ST18: variants seen among roughly 807,000 people sequenced by gnomAD.
ST18 encodes ST18 C2H2C-type zinc finger transcription factor.
Under a neutral mutation model 110.0 loss-of-function variants are expected in ST18, and 50 were observed. That is an observed-to-expected ratio of 0.45 (90% CI 0.36 to 0.58). ST18 has a LOEUF of 0.58. Ranked by LOEUF, ST18 falls within the 20% of genes least tolerant of loss-of-function variation. The pLI is 0.00. For missense variants in ST18, 1,306 were observed against 1,280.1 expected (o/e 1.02, Z -0.31); for synonymous variants, 461 against 452.4 (o/e 1.02, Z -0.24).
intron 8 of ST18, among the ~76,000 whole-genome samples, chr8:52,191,884 G>A (rs2074618814): frequency 6.6e-6 from 1 of 152,172 alleles, no homozygotes; most frequent in Non-Finnish European, 1.5e-5. Context: ...GGAACAGGAG[G>A]TCTGAGGAAG....
intron 2 of ST18, among the ~76,000 whole-genome samples, chr8:52,318,479 A>G (rs983474247): frequency 1.3e-5 from 2 of 152,362 alleles, no homozygotes; most frequent in South Asian, 4.1e-4. Flanking sequence ...CCATTGCGGA[A>G]GACAGTGGCA....
In ST18 at chr8:52,187,380, T is replaced by G. The variant is rs117319097; in HGVS notation, c.87-7068A>C. Among the ~76,000 whole-genome samples, 525 of 152,334 alleles carry G rather than the reference T, an allele frequency of 3.4e-3. 3 individuals carry two copies. The highest frequency in any genetic ancestry group is 0.024 in the Middle Eastern group (7 of 294). ...TTAATGAAAGAGTCCAGATTTGAAC[T>G]CAGGCAGTCTGGACCTAAATCATAC... On this transcript the variant is annotated intron_variant, in intron 8 of 25. Coordinates refer to ENST00000689386, the MANE Select transcript of ST18 (RefSeq NM_001352837.2).
chr8:52,124,118 C>T (rs1444573389), intron 23 of ST18, among the ~76,000 whole-genome samples: 1 of 152,118 alleles, frequency 6.6e-6, no homozygotes, highest in Non-Finnish European at 1.5e-5. Context: ...GTCTTAGTGT[C>T]CTCAGGGTTG....
Position 52,133,067 on chromosome 8 carries a change from G to T in ST18, c.2434C>A (p.Pro812Thr), listed in dbSNP as rs1268858744. 1.9e-6 allele frequency: 3 copies of T among 1,613,950 alleles called. No individual in the cohort carries two copies. Among genetic ancestry groups the T allele is most frequent in the Non-Finnish European group, 2.5e-6 (3 of 1,180,020 alleles). ...MTPTKEEKED[P>T]ELKCPVIGCD... The stretch of plus-strand genomic sequence containing the variant: ...AACTGTTGCACTTACTTCAGTTCAG[G>T]GTCTTCTTTTTCTTCCTTGGTAGGG... Residue 812 changes from proline (P) to threonine (T), a missense_variant, in exon 21 of 26, where the codon CCT (proline) becomes ACT (threonine). Physicochemically the swap from Pro to Thr is conservative, Grantham distance 38. Transcript: ENST00000689386.
At chr8:52,120,574 CAGGCTGGGAAGGG>C in intron 23 of ST18, among the ~76,000 whole-genome samples, 1 of 152,214 alleles carries the variant, frequency 6.6e-6, no homozygotes, top group African/African-American at 2.4e-5. Context: ...GCCCAGAGCC[CAGGCTGGGAAGGG>C]AGTGAGTGCC....
intron 2 of ST18, among the ~76,000 whole-genome samples, chr8:52,340,517 A>C (rs1311890817): frequency 6.6e-6 from 1 of 152,240 alleles, no homozygotes; most frequent in East Asian, 1.9e-4. Flanking sequence ...TGTTTCAAAA[A>C]GTCTATCACG....
chr8:52,171,854 G>C lies in ST18; in HGVS notation c.1007C>G (p.Ala336Gly), dbSNP rs1250727537. Residue 336 changes from alanine (A) to glycine (G), a missense_variant, in exon 10 of 26, where the codon GCA (alanine) becomes GGA (glycine). Physicochemically the swap from Ala to Gly is moderately conservative, Grantham distance 60 (BLOSUM62 0). Transcript: ENST00000689386. ...AACTTTGGTTTGCCTCCTTTCCCCT[G>C]CTAGGTGCTCCAGCAGGAACCTATC... is the stretch of plus-strand genomic sequence containing the variant. Reference protein sequence around the residue: ...ELDRFLLEHLAGERRQTKVID... With the variant: ...ELDRFLLEHLGGERRQTKVID... The C allele has an allele frequency of 1.2e-6, 2 of 1,614,096 alleles. No individual in the cohort carries two copies. The highest frequency in any genetic ancestry group is 1.1e-5 in the South Asian group (1 of 91,078).
At chr8:52,204,045 T>C (rs1205461943) in intron 8 of ST18, among the ~76,000 whole-genome samples, 1 of 152,224 alleles carries the variant, frequency 6.6e-6, no homozygotes, top group Non-Finnish European at 1.5e-5. Context: ...TCATTTCTGA[T>C]ACATGATGAA....
intron 2 of ST18, among the ~76,000 whole-genome samples, chr8:52,368,619 C>T (rs770097534): frequency 2.6e-5 from 4 of 152,116 alleles, no homozygotes; most frequent in Non-Finnish European, 4.4e-5. Flanking sequence ...GAGCTCACTG[C>T]CACATAGTGA....
intron 2 of ST18, among the ~76,000 whole-genome samples, chr8:52,350,718 T>A (rs955566518): frequency 2.0e-5 from 3 of 151,664 alleles, no homozygotes; most frequent in African/African-American, 7.3e-5. Flanking sequence ...ACTTGATATA[T>A]ATATACTTTT....
At chr8:52,163,509 G>A (rs554483449) in intron 13 of ST18, among the ~76,000 whole-genome samples, 1 of 152,216 alleles carries the variant, frequency 6.6e-6, no homozygotes, top group South Asian at 2.1e-4. Flanking sequence ...TTTATTAATA[G>A]CTGTCAATCA....
intron 2 of ST18, among the ~76,000 whole-genome samples, chr8:52,263,458 A>G (rs1052935556): frequency 1.1e-4 from 16 of 152,188 alleles, no homozygotes; most frequent in African/African-American, 1.2e-4. Context: ...ACTGTGGAGG[A>G]CATCAATTCT....
chr8:52,233,803 T>G (rs1416868025), intron 2 of ST18, among the ~76,000 whole-genome samples: 1 of 152,246 alleles, frequency 6.6e-6, no homozygotes, highest in Non-Finnish European at 1.5e-5. Context: ...TTTTGGTTTC[T>G]TTTTAAAGTA....
chr8:52,168,832 G>A (rs1002299535), intron 10 of ST18, among the ~76,000 whole-genome samples: 6 of 152,152 alleles, frequency 3.9e-5, no homozygotes, highest in African/African-American at 1.2e-4. Flanking sequence ...TGTGAAATCT[G>A]TAGACCACTA....
intron 2 of ST18, among the ~76,000 whole-genome samples, chr8:52,295,400 C>CT (rs548665370): frequency 2.6e-5 from 4 of 152,070 alleles, no homozygotes; most frequent in African/African-American, 4.8e-5. Flanking sequence ...TTTAAACTGG[C>CT]TTTTTTTCCC....
chr8:52,211,972 C>T, intron 8 of ST18, 107 bp downstream of exon 8: 3 of 1,204,622 alleles, frequency 2.5e-6, no homozygotes, highest in South Asian at 2.6e-5. Context: ...AGCCCTTTAG[C>T]CAATTCCTTC....
chr8:52,167,875 A>G (rs2063540958), intron 10 of ST18, among the ~76,000 whole-genome samples: 1 of 152,082 alleles, frequency 6.6e-6, no homozygotes, highest in South Asian at 2.1e-4. Context: ...GAGGCTCCAG[A>G]CAAGCTTGGG....
chr8:52,179,806 G>A (rs2068614712), intron 9 of ST18, among the ~76,000 whole-genome samples: 2 of 151,880 alleles, frequency 1.3e-5, no homozygotes, highest in Admixed American at 6.6e-5. Flanking sequence ...TTCCTATTAG[G>A]AAGAAAAAGT....
intron 2 of ST18, among the ~76,000 whole-genome samples, chr8:52,263,799 T>C (rs2094779560): frequency 1.4e-5 from 2 of 143,920 alleles, no homozygotes; most frequent in African/African-American, 2.7e-5. Context: ...CAGGCTGGCA[T>C]GCAGTGGCAC....
Sources: allele counts gnomAD v4.1 joint callset (sites outside exome capture counted in the v4.1 genomes callset), GRCh38; gene constraint gnomAD v4.1.1; transcripts MANE v1.5; gene names NCBI Gene and HGNC (gene_info 2026-07-23, HGNC 2026-07-21).